MARVELD2: variants seen among roughly 807,000 people sequenced by gnomAD.
MARVELD2 encodes the protein MARVEL domain containing 2.
Under a neutral mutation model 57.6 loss-of-function variants are expected in MARVELD2, and 49 were observed. That is an observed-to-expected ratio of 0.85 (90% confidence interval 0.68 to 1.08). The LOEUF (loss-of-function observed/expected upper bound fraction) is 1.08, where lower values mean the gene tolerates loss of function less well. Among genes scored for constraint, MARVELD2 ranks in the 50% least tolerant of loss-of-function variants. MARVELD2 has a pLI of 0.00. For missense variants in MARVELD2, 606 were observed against 701.1 expected (o/e 0.86, Z 1.53); for synonymous variants, 238 against 258.8 (o/e 0.92, Z 0.77).
intron 4 of MARVELD2, 117 bp from the exon 5 acceptor site, chr5:69,432,805 G>A (rs1767006131): frequency 5.9e-6 from 9 of 1,536,748 alleles, no homozygotes; most frequent in Non-Finnish European, 8.1e-6. Context: ...TGTTATCTGA[G>A]AGGTAATGTA....
At chr5:69,431,315 A>G (rs921659511) in intron 3 of MARVELD2, among the ~76,000 whole-genome samples, 1 of 151,874 alleles carries the variant, frequency 6.6e-6, no homozygotes. Context: ...GGGTTTCACC[A>G]TGCTGGCCAG....
intron 1 of MARVELD2, 146 bp downstream of exon 1, chr5:69,415,316 A>T (rs545883290): frequency 1.1e-4 from 17 of 151,704 alleles, no homozygotes; most frequent in African/African-American, 3.9e-4. Flanking sequence ...GGATCCGGGG[A>T]GGCCCGCGTC....
At chr5:69,431,263 C>T (rs1263768757) in intron 3 of MARVELD2, among the ~76,000 whole-genome samples, 3 of 151,786 alleles carry the variant, frequency 2.0e-5, no homozygotes, top group African/African-American at 7.3e-5. Flanking sequence ...TACAGGCGCC[C>T]GCCACTATGC....
chr5:69,431,200 C>T (rs990662153), intron 3 of MARVELD2, among the ~76,000 whole-genome samples: 2 of 151,594 alleles, frequency 1.3e-5, no homozygotes, highest in East Asian at 3.9e-4. Flanking sequence ...CTGCAAGCTC[C>T]GCCTCCTGGG....
rs1256575622 is a variant in MARVELD2 at position 69,419,690 on chromosome 5, C to T, written c.305C>T (p.Pro102Leu). The T allele has an allele frequency of 6.8e-6, 11 of 1,613,998 alleles. No homozygotes were observed. The highest frequency in any genetic ancestry group is 6.7e-5 in the East Asian group (3 of 44,896). Reference protein sequence around the residue: ...GKKKDPEWDKPVSDIRYISDG... With the variant: ...GKKKDPEWDKLVSDIRYISDG... ...AAAAAGGACCCCGAATGGGATAAGCCGGTGTCTGATATCAGGTACATCTCC... is the reference window on the plus strand; with the variant it reads ...AAAAAGGACCCCGAATGGGATAAGCTGGTGTCTGATATCAGGTACATCTCC... Residue 102 changes from proline (P) to leucine (L), a missense_variant, in exon 2 of 7, where the codon CCG (proline) becomes CTG (leucine). Pro to Leu is a moderately conservative substitution (Grantham distance 98, BLOSUM62 -3). Coordinates refer to ENST00000325631, the MANE Select transcript of MARVELD2 (RefSeq NM_001038603.3).
chr5:69,433,462 CTT>C (rs34011580), intron 5 of MARVELD2: 9,931 of 186,000 alleles, frequency 0.053, no homozygotes, highest in South Asian at 0.11. Flanking sequence ...TAAAATCTGG[CTT>C]TTTTTTTTTT....
chr5:69,430,414 C>T (rs1057015944), intron 3 of MARVELD2, among the ~76,000 whole-genome samples: 1 of 152,092 alleles, frequency 6.6e-6, no homozygotes, highest in Non-Finnish European at 1.5e-5. Flanking sequence ...CAGCATCTCC[C>T]TATGTTGCCC....
intron 3 of MARVELD2, among the ~76,000 whole-genome samples, chr5:69,430,926 AT>A (rs923908910): frequency 6.2e-4 from 87 of 139,704 alleles, no homozygotes; most frequent in South Asian, 6.9e-4. Context: ...TCTGTTTTTA[AT>A]TTTTTTTTTT....
chr5:69,425,790 G>A (rs546977123), intron 3 of MARVELD2, among the ~76,000 whole-genome samples: 4 of 150,066 alleles, frequency 2.7e-5, no homozygotes, highest in Admixed American at 1.3e-4. Context: ...GTGCAGTGGC[G>A]CTATCTCGGC....
Position 69,420,372 on chromosome 5 carries a change from AGTGAATGCAGTGTTCTGCCGG to A in MARVELD2, c.990_1010del (p.Asn331_Val337del). ...GCTACTATCCGTTATTTAATACACC[AGTGAATGCAGTGTTCTGCCGG>A]GTAGAAGGAGGACAGATAGCTGCAA... is the stretch of plus-strand genomic sequence containing the variant. On this transcript the variant is annotated inframe_deletion, in exon 2 of 7. Transcript: ENST00000325631. The A allele has an allele frequency of 6.2e-7, 1 of 1,614,194 alleles. No individual in the cohort carries two copies. The highest frequency in any genetic ancestry group is 8.5e-7 in the Non-Finnish European group (1 of 1,180,038).
In MARVELD2 at chr5:69,419,639, C is replaced by T; in HGVS notation, c.254C>T (p.Ser85Phe). 1 of 1,614,142 alleles carries T rather than the reference C, an allele frequency of 6.2e-7. No homozygotes were observed. The highest frequency in any genetic ancestry group is 2.2e-5 in the East Asian group (1 of 44,878). Residue 85 changes from serine to phenylalanine, a missense_variant, in exon 2 of 7, where the codon TCC (serine) becomes TTC (phenylalanine). Physicochemically the swap from Ser to Phe is radical, Grantham distance 155. Transcript: ENST00000325631. ...CCAGTAAGGCGCTTTGTCCCTGACTCCTGGAAGAACTTTTTCAGAGGGAAG... is the reference window on the plus strand; with the variant it reads ...CCAGTAAGGCGCTTTGTCCCTGACTTCTGGAAGAACTTTTTCAGAGGGAAG... ...LKPVRRFVPD[S>F]WKNFFRGKKK...
intron 3 of MARVELD2, among the ~76,000 whole-genome samples, chr5:69,425,256 A>C (rs1580479996): frequency 1.1e-5 from 1 of 87,774 alleles, no homozygotes; most frequent in Admixed American, 1.5e-4. Flanking sequence ...GGGTCGGGGG[A>C]GCGGGGAGGG....
chr5:69,432,398 C>T (rs1328984032), intron 3 of MARVELD2, 129 bp from the exon 4 acceptor site: 11 of 1,017,070 alleles, frequency 1.1e-5, no homozygotes, highest in South Asian at 8.3e-5. Flanking sequence ...GCTTTGTCCT[C>T]CCAAAGTGCT....
At position 69,432,338 on chromosome 5, in the gene MARVELD2, G is replaced by C. The variant is rs556421994; in HGVS notation, c.1183-189G>C. Reference sequence around the variant, plus strand: ...AAACTTTTTATAGAGACAGGGTCTTGCCATGTTGGCCAGGCTGGTCTTGAA... The same window carrying C: ...AAACTTTTTATAGAGACAGGGTCTTCCCATGTTGGCCAGGCTGGTCTTGAA... On this transcript the variant is annotated intron_variant, in intron 3 of 6. Coordinates refer to ENST00000325631, the MANE Select transcript of MARVELD2 (RefSeq NM_001038603.3). Among the ~76,000 whole-genome samples the C allele has an allele frequency of 1.3e-4, 20 of 151,916 alleles. No individual in the cohort carries two copies. In the South Asian group the frequency reaches 3.3e-3, roughly 25 times the overall value.
chr5:69,419,869 C>G lies in MARVELD2; in HGVS notation c.484C>G (p.Leu162Val). 2 of 1,614,134 alleles carry G rather than the reference C, an allele frequency of 1.2e-6. No homozygotes were observed. The change falls in exon 2 of 7, where the codon CTA (leucine) becomes GTA (valine). Residue 162 changes from leucine (L) to valine (V), a missense_variant. Leu to Val is a conservative substitution (Grantham distance 32). Coordinates refer to ENST00000325631, the MANE Select transcript of MARVELD2 (RefSeq NM_001038603.3). Reference sequence around the variant, plus strand: ...GTTTCCCCGGGATCCCTATGGATCTCTAGACCGACACACACAAACAGTTCG... The same window carrying G: ...GTTTCCCCGGGATCCCTATGGATCTGTAGACCGACACACACAAACAGTTCG... Reference protein sequence around the residue: ...AVFPRDPYGSLDRHTQTVRTY... With the variant: ...AVFPRDPYGSVDRHTQTVRTY...
rs891800589 is a variant in MARVELD2 at position 69,435,408 on chromosome 5, T to C, written c.1503+2315T>C. Among the ~76,000 whole-genome samples the C allele has an allele frequency of 2.6e-5, 4 of 151,606 alleles. 1 individual carries two copies. In the South Asian group the frequency reaches 8.3e-4, roughly 32 times the overall value. On this transcript the variant is annotated intron_variant, in intron 5 of 6. Transcript: ENST00000325631. ...AGTGAATTTTAGTATAGTTACAGAG[T>C]TTTGCAATCAGCACCACTCAAATTC...
Position 69,419,685 on chromosome 5 carries a change from T to TA in MARVELD2, c.302dup (p.Pro102AlafsTer4), listed in dbSNP as rs752013639. On this transcript the variant is annotated frameshift_variant, in exon 2 of 7. Coordinates refer to ENST00000325631, the MANE Select transcript of MARVELD2 (RefSeq NM_001038603.3). LOFTEE classifies it high-confidence loss of function. ...GGAAGAAAAAGGACCCCGAATGGGA[T>TA]AAGCCGGTGTCTGATATCAGGTACA... 1.2e-6 allele frequency: 2 copies of TA among 1,614,160 alleles called. No individual in the cohort carries two copies. The highest frequency in any genetic ancestry group is 1.7e-6 in the Non-Finnish European group (2 of 1,180,042).
At position 69,420,207 on chromosome 5, in the gene MARVELD2, C is replaced by T; in HGVS notation, c.822C>T (p.Gly274=). 10 of 1,614,192 alleles carry T rather than the reference C, an allele frequency of 6.2e-6. No homozygotes were observed. The highest frequency in any genetic ancestry group is 8.5e-6 in the Non-Finnish European group (10 of 1,180,014). ...CCACCATTATTATTCTGGTTCTTGGCATGTCCATGTATTACCGGACCATTC... is the reference window on the plus strand; with the variant it reads ...CCACCATTATTATTCTGGTTCTTGGTATGTCCATGTATTACCGGACCATTC... The part of the protein sequence containing the change: ...WITTIIILVL[G]MSMYYRTILL... The change falls in exon 2 of 7, where the codon GGC becomes GGT. Residue 274 remains glycine (G), a synonymous_variant. Transcript: ENST00000325631.
In MARVELD2 at chr5:69,422,996, C is replaced by A. The variant is rs770132105; in HGVS notation, c.1147-1605C>A. On this transcript the variant is annotated intron_variant, in intron 2 of 6. Coordinates refer to ENST00000325631, the MANE Select transcript of MARVELD2 (RefSeq NM_001038603.3). ...CACTATAACCTCCGCTTCCCAGGTTCAAGTGATCCTTCTGCCTCAGCCCCC... is the reference window on the plus strand; with the variant it reads ...CACTATAACCTCCGCTTCCCAGGTTAAAGTGATCCTTCTGCCTCAGCCCCC... Among the ~76,000 whole-genome samples the A allele has an allele frequency of 3.9e-4, 59 of 152,204 alleles. 1 individual carries two copies. The highest frequency in any genetic ancestry group is 8.1e-4 in the Non-Finnish European group (55 of 68,040).
Sources: allele counts gnomAD v4.1 joint callset (sites outside exome capture counted in the v4.1 genomes callset), GRCh38; gene constraint gnomAD v4.1.1; transcripts MANE v1.5; gene names NCBI Gene and HGNC (gene_info 2026-07-23, HGNC 2026-07-21).